PTK2: variants seen among roughly 807,000 people sequenced by gnomAD.
PTK2 encodes focal adhesion kinase 1.
A neutral mutation model predicts 150.1 loss-of-function variants in PTK2; 45 were observed. The ratio of observed to expected loss-of-function variants is 0.30; its 90% CI spans 0.24 to 0.38. The LOEUF is 0.38. PTK2 is among the 10% of genes least tolerant of loss of function. The pLI is 1.00. For missense variants in PTK2, 919 were observed against 1,307.3 expected, an observed-to-expected ratio of 0.70 and a Z score of 4.58; for synonymous variants, 432 against 449.2, an observed-to-expected ratio of 0.96 and a Z score of 0.48.
At position 140,854,711 on chromosome 8, in the gene PTK2, T is replaced by C. The variant is rs115345488; in HGVS notation, c.451-8033A>G. The stretch of plus-strand genomic sequence containing the variant: ...TCATTGAAATTTTCACATTGGTAGT[T>C]ACATTTAGGCCATCTTTTAATGAAG... On this transcript the variant is annotated intron_variant, in intron 5 of 31. Transcript: ENST00000522684. Among the ~76,000 whole-genome samples the C allele has an allele frequency of 5.8e-3, 886 of 152,326 alleles. 5 individuals are homozygous for C. The highest frequency in any genetic ancestry group is 0.02 in the African/African-American group (839 of 41,570).
intron 8 of PTK2, among the ~76,000 whole-genome samples, chr8:140,828,802 A>G (rs1233594101): frequency 1.3e-5 from 2 of 152,144 alleles, no homozygotes; most frequent in East Asian, 3.8e-4. Flanking sequence ...TCCAGGTCAA[A>G]CTGAATCTCC....
chr8:140,876,997 C>A (rs2100145913), intron 4 of PTK2, among the ~76,000 whole-genome samples: 1 of 149,734 alleles, frequency 6.7e-6, no homozygotes, highest in African/African-American at 2.5e-5. Context: ...ATCATCTCTA[C>A]CTACTATGCA....
At chr8:140,730,965 C>CCTT (rs1554829996) in intron 22 of PTK2, among the ~76,000 whole-genome samples, 24 of 82,584 alleles carry the variant, frequency 2.9e-4, no homozygotes, top group Non-Finnish European at 3.7e-4. Context: ...CCCCCCCCCC[C>CCTT]TTTTTTTTTT....
chr8:140,819,178 T>C (rs991617563), intron 8 of PTK2, among the ~76,000 whole-genome samples, 158 bp from the exon 9 acceptor site: 1 of 152,220 alleles, frequency 6.6e-6, no homozygotes, highest in Non-Finnish European at 1.5e-5. Context: ...AATGTATTTA[T>C]CAAAGCTTTA....
chr8:140,862,111 C>G (rs181155184), intron 5 of PTK2, among the ~76,000 whole-genome samples: 1 of 152,200 alleles, frequency 6.6e-6, no homozygotes, highest in African/African-American at 2.4e-5. Flanking sequence ...ACAGTGTGAA[C>G]TAGGAACAAA....
At chr8:140,963,278 C>T (rs546915002) in intron 1 of PTK2, among the ~76,000 whole-genome samples, 49 of 152,270 alleles carry the variant, frequency 3.2e-4, no homozygotes, top group African/African-American at 1.0e-3. Flanking sequence ...AAAATAACCT[C>T]TCAAGGAATT....
chr8:140,977,646 G>A (rs2100189780), intron 1 of PTK2, among the ~76,000 whole-genome samples: 1 of 151,474 alleles, frequency 6.6e-6, no homozygotes, highest in African/African-American at 2.4e-5. Flanking sequence ...GCAGTGAGCT[G>A]TGATCGTCCA....
At chr8:140,701,084 T>G in intron 25 of PTK2, 62 bp from the exon 29 acceptor site, 2 of 1,498,320 alleles carry the variant, frequency 1.3e-6, no homozygotes, top group Non-Finnish European at 9.0e-7. Flanking sequence ...GCTCTTACCT[T>G]GTTTTATGTG....
chr8:140,785,510 C>T (rs1035876721), intron 14 of PTK2, among the ~76,000 whole-genome samples: 5 of 152,092 alleles, frequency 3.3e-5, no homozygotes, highest in African/African-American at 1.2e-4. Flanking sequence ...TTAAAGTACT[C>T]AGGAAAGCTT....
intron 11 of PTK2, among the ~76,000 whole-genome samples, chr8:140,803,310 T>C (rs573471309): frequency 7.9e-4 from 120 of 152,300 alleles, no homozygotes; most frequent in African/African-American, 2.5e-3. Context: ...ATGATAATCT[T>C]TAATCATCAT....
chr8:140,746,864 G>T lies in PTK2; in HGVS notation c.1418-4C>A, dbSNP rs1176596982. ...TGGTCAAACTGACGCATTGTTACTA[G>T]GAAAAAAGTTCTCCATAGTTATTCT... On this transcript the variant is annotated splice_region_variant and splice_polypyrimidine_tract_variant and intron_variant, in intron 17 of 31. Transcript: ENST00000522684. The T allele has an allele frequency of 1.3e-6, 2 of 1,563,814 alleles. No individual in the cohort carries two copies. The highest frequency in any genetic ancestry group is 1.7e-6 in the Non-Finnish European group (2 of 1,147,256).
intron 13 of PTK2, 34 bp from the exon 14 acceptor site, chr8:140,789,560 C>A (rs1267559781): frequency 1.9e-6 from 3 of 1,606,696 alleles, no homozygotes; most frequent in East Asian, 2.2e-5. Context: ...GTAAGCCCTG[C>A]AATTTCCCCA....
chr8:140,667,827 C>T (rs574744535), intron 30 of PTK2, among the ~76,000 whole-genome samples: 2 of 152,292 alleles, frequency 1.3e-5, no homozygotes, highest in Non-Finnish European at 2.9e-5. Flanking sequence ...CTTACAGGTG[C>T]GGGATCTGAA....
intron 1 of PTK2, among the ~76,000 whole-genome samples, chr8:140,965,909 C>G: frequency 6.6e-6 from 1 of 152,138 alleles, no homozygotes; most frequent in East Asian, 1.9e-4. Context: ...CAGTGACAAC[C>G]TCTTTCAGCT....
At chr8:140,888,628 T>C (rs552198695) in intron 3 of PTK2, among the ~76,000 whole-genome samples, 32 of 152,234 alleles carry the variant, frequency 2.1e-4, no homozygotes, top group Non-Finnish European at 3.2e-4. Flanking sequence ...GTTTTTAACA[T>C]TGGCTAAAGG....
chr8:140,958,530 G>A (rs2100181991), intron 1 of PTK2, among the ~76,000 whole-genome samples: 1 of 152,162 alleles, frequency 6.6e-6, no homozygotes, highest in Admixed American at 6.5e-5. Context: ...TGTGTCCAGA[G>A]ATAATAAGAT....
At chr8:140,773,601 T>A (rs558300531) in intron 14 of PTK2, among the ~76,000 whole-genome samples, 2 of 152,168 alleles carry the variant, frequency 1.3e-5, no homozygotes, top group South Asian at 2.1e-4. Context: ...GAACACGTGC[T>A]GAGGAGCAGC....
intron 1 of PTK2, among the ~76,000 whole-genome samples, chr8:140,973,461 G>A (rs1428823583): frequency 2.6e-5 from 4 of 151,536 alleles, no homozygotes; most frequent in African/African-American, 4.9e-5. Flanking sequence ...TCTAGATTAC[G>A]TAAAGCAAAG....
chr8:140,943,033 C>T (rs182019794), intron 1 of PTK2, among the ~76,000 whole-genome samples: 5 of 152,216 alleles, frequency 3.3e-5, no homozygotes, highest in East Asian at 1.9e-4. Flanking sequence ...AAAAGCTCTC[C>T]GACGCCTCCC....
Sources: allele counts gnomAD v4.1 joint callset (sites outside exome capture counted in the v4.1 genomes callset), GRCh38; gene constraint gnomAD v4.1.1; transcripts MANE v1.5; gene names NCBI Gene and HGNC (gene_info 2026-07-23, HGNC 2026-07-21).